Variants in KIF22 observed in about 807,000 individuals in gnomAD.
KIF22 encodes the protein kinesin family member 22.
A neutral mutation model predicts 73.0 loss-of-function variants in KIF22; 62 were observed. The ratio of observed to expected loss-of-function variants is 0.85; its 90% CI spans 0.69 to 1.05. The LOEUF (loss-of-function observed/expected upper bound fraction) is 1.05. KIF22 is among the 50% of genes least tolerant of loss of function. KIF22 has a pLI of 0.00. For synonymous variants in KIF22, 411 were observed against 340.1 expected (o/e 1.21, Z -2.29); for missense variants, 854 against 870.1 (o/e 0.98, Z 0.23).
chr16:29,798,499 C>G lies in KIF22; in HGVS notation c.392C>G (p.Ala131Gly). 1 of 1,614,174 alleles carries G rather than the reference C, an allele frequency of 6.2e-7. No homozygotes were observed. Among genetic ancestry groups the G allele is most frequent in the East Asian group, 2.2e-5 (1 of 44,884 alleles). ...GTGCTTGCCTATGGACCCACAGGAG[C>G]TGGTGAGGGAGCCAGAAAAGAAACA... ...ASVLAYGPTG[A>G]GKTHTMLGSP... Residue 131 changes from alanine (A) to glycine (G), a missense_variant and splice_region_variant, in exon 3 of 14, where the codon GCT becomes GGT. Ala to Gly is a moderately conservative substitution (Grantham distance 60). Transcript: ENST00000160827. This position sits in a 1 kb window ranked among gnomAD's most constrained non-coding sequence, Gnocchi z 4.1.
chr16:29,801,466 G>C (rs1285066481), intron 8 of KIF22, among the ~76,000 whole-genome samples: 1 of 152,172 alleles, frequency 6.6e-6, no homozygotes, highest in African/African-American at 2.4e-5. Flanking sequence ...GAAGATGCTT[G>C]TGCACTCATG....
rs894802037 is a variant in KIF22, at chr16:29,798,822, G to C, written c.549+75G>C. On this transcript the variant is annotated intron_variant, in intron 4 of 13. Coordinates refer to ENST00000160827, the MANE Select transcript of KIF22 (RefSeq NM_007317.3). This position sits in a 1 kb window ranked among gnomAD's most constrained non-coding sequence, Gnocchi z 4.1. ...ACCTGGTTCTAGAACATGAAGCTCT[G>C]CTGTAGCAGGGAGGTAAGGTGAGAC... 9.5e-6 allele frequency: 15 copies of C among 1,575,564 alleles called. No homozygotes were observed. In the African/African-American group the frequency reaches 2.0e-4, roughly 21 times the overall value.
rs1267445233 is a variant in KIF22 at position 29,796,949 on chromosome 16, C to T, written c.127C>T (p.Arg43Cys). ...IGATRRPPPARVRVAVRLRPF... is the reference protein window; with the variant it reads ...IGATRRPPPACVRVAVRLRPF... ...AGCTACTCGTCGTCCACCTCCAGCT[C>T]GCGTAAGGGTGGCTGTGCGACTGCG... The change falls in exon 2 of 14, where the codon CGC (arginine) becomes TGC (cysteine). Residue 43 changes from arginine (R) to cysteine (C), a missense_variant. This residue lies in a region of KIF22 where 186 missense variants were observed against 152.9 expected (regional missense o/e 1.22). Coordinates refer to ENST00000160827, the MANE Select transcript of KIF22 (RefSeq NM_007317.3). 1.2e-6 allele frequency: 2 copies of T among 1,613,992 alleles called. No individual in the cohort carries two copies. Among genetic ancestry groups the T allele is most frequent in the Admixed American group, 1.7e-5 (1 of 60,000 alleles).
intron 1 of KIF22, among the ~76,000 whole-genome samples, chr16:29,794,504 G>C (rs1898900477): frequency 6.6e-6 from 1 of 152,088 alleles, no homozygotes; most frequent in Non-Finnish European, 1.5e-5. Context: ...TTTCAACCCA[G>C]GCCATTTTAC....
chr16:29,802,217 G>T (rs999737770), intron 8 of KIF22, among the ~76,000 whole-genome samples: 2 of 140,886 alleles, frequency 1.4e-5, no homozygotes, highest in Admixed American at 1.5e-4. Context: ...ATAGTGAGCT[G>T]TGATCTCAAC....
At chr16:29,805,241 C>T (rs950930437) in intron 13 of KIF22, 22 bp from the exon 14 acceptor site, 2 of 1,613,730 alleles carry the variant, frequency 1.2e-6, no homozygotes, top group Middle Eastern at 1.6e-4. Flanking sequence ...ACGTCGCTGT[C>T]TCCCTCCCTC....
chr16:29,793,495 C>A (rs1386075765), intron 1 of KIF22, among the ~76,000 whole-genome samples: 1 of 152,144 alleles, frequency 6.6e-6, no homozygotes, highest in African/African-American at 2.4e-5. Context: ...AGCTCTTGTG[C>A]AGAACGTGCA....
chr16:29,802,267 C>CA (rs71389599), intron 8 of KIF22, among the ~76,000 whole-genome samples: 7,294 of 33,102 alleles, frequency 0.22, 829 homozygotes, highest in Non-Finnish European at 0.27. Context: ...GACCCTGTCT[C>CA]AAAAAAAAAA....
intron 1 of KIF22, among the ~76,000 whole-genome samples, chr16:29,795,647 A>G (rs1898930807): frequency 6.6e-6 from 1 of 152,206 alleles, no homozygotes; most frequent in African/African-American, 2.4e-5. Flanking sequence ...CCAACGTAAA[A>G]TAGAGTAATA....
Position 29,805,249 on chromosome 16 carries a change from CTCCT to C in KIF22, c.1951-13_1951-10del, listed in dbSNP as rs201550112. 10,320 of 1,614,202 alleles carry C rather than the reference CTCCT, an allele frequency of 6.4e-3. 908 individuals carry two copies. The Admixed American group carries it at 0.15, about 24-fold the overall frequency. On this transcript the variant is annotated splice_polypyrimidine_tract_variant and intron_variant, in intron 13 of 13. Coordinates refer to ENST00000160827, the MANE Select transcript of KIF22 (RefSeq NM_007317.3). ...CTCTCTAACGTCGCTGTCTCCCTCC[CTCCT>C]GTGTTGCAGGCAAACATCCTGGGTC...
chr16:29,799,855 C>T, intron 7 of KIF22, 58 bp from the exon 8 acceptor site: 1 of 1,612,444 alleles, frequency 6.2e-7, no homozygotes, highest in Non-Finnish European at 8.5e-7. Context: ...CACCAAGCAT[C>T]AGCACAGAGG....
At position 29,803,429 on chromosome 16, in the gene KIF22, T is replaced by G; in HGVS notation, c.1450-20T>G. ...CCTGGAGTTGGGTCTGGATCACATC[T>G]CCCTGATCCTTTCCAACAGAGGCTT... On this transcript the variant is annotated intron_variant, in intron 9 of 13. Coordinates refer to ENST00000160827, the MANE Select transcript of KIF22 (RefSeq NM_007317.3). 1 of 1,613,076 alleles carries G rather than the reference T, an allele frequency of 6.2e-7. No homozygotes were observed. The highest frequency in any genetic ancestry group is 8.5e-7 in the Non-Finnish European group (1 of 1,179,612).
At chr16:29,802,356 C>T (rs576733473) in intron 8 of KIF22, among the ~76,000 whole-genome samples, 1 of 151,908 alleles carries the variant, frequency 6.6e-6, no homozygotes, top group African/African-American at 2.4e-5. Flanking sequence ...TCCCAGCTGC[C>T]CACAGCAGGG....
intron 1 of KIF22, among the ~76,000 whole-genome samples, chr16:29,795,354 C>T (rs1898923205): frequency 6.6e-6 from 1 of 152,224 alleles, no homozygotes. Context: ...TGCTTATGGG[C>T]ATGCCTTACT....
chr16:29,803,642 C>T, intron 10 of KIF22, 34 bp downstream of exon 10: 1 of 1,538,472 alleles, frequency 6.5e-7, no homozygotes. Context: ...GGGGCCAAGG[C>T]AGCTGAGATC....
intron 9 of KIF22, among the ~76,000 whole-genome samples, chr16:29,803,197 A>G (rs1317938683): frequency 2.0e-5 from 3 of 152,212 alleles, no homozygotes; most frequent in African/African-American, 7.2e-5. Context: ...GCCCAGCTCA[A>G]TTAATTGAGG....
rs576848751 is a variant in KIF22 at position 29,801,723 on chromosome 16, T to C, written c.1281-1046T>C. 6.6e-5 allele frequency among the ~76,000 whole-genome samples: 10 copies of C among 152,272 alleles called. No individual in the cohort carries two copies. The South Asian group carries it at 2.1e-3, about 32-fold the overall frequency. ...ATCAGGAAGGAGTAGCTGCTGCTGC[T>C]GTGAGAGTCAGGAAGGAAGAGATGA... On this transcript the variant is annotated intron_variant, in intron 8 of 13. Transcript: ENST00000160827.
chr16:29,794,175 T>C (rs1898892285), intron 1 of KIF22, among the ~76,000 whole-genome samples: 1 of 152,202 alleles, frequency 6.6e-6, no homozygotes, highest in South Asian at 2.1e-4. Context: ...GGAGGGTTCA[T>C]ATAAAGCACT....
chr16:29,791,175 G>GA (rs1898804029), intron 1 of KIF22: 1 of 1,184,650 alleles, frequency 8.4e-7, no homozygotes, highest in South Asian at 2.4e-5. Context: ...AGCAAGAGAA[G>GA]AGTGGCGGAC....
Sources: allele counts gnomAD v4.1 joint callset (sites outside exome capture counted in the v4.1 genomes callset), GRCh38; gene constraint gnomAD v4.1.1; regional missense constraint gnomAD v4.1.1; non-coding constraint Gnocchi (gnomAD v3.1); transcripts MANE v1.5; gene names NCBI Gene and HGNC (gene_info 2026-07-23, HGNC 2026-07-21).